Variants in FGF13 observed in about 807,000 individuals in gnomAD.
FGF13 encodes fibroblast growth factor 13.
In FGF13, 2 loss-of-function variants were observed where a neutral mutation model predicts 19.5. The observed-to-expected ratio is 0.10, with a 90% CI of 0.04 to 0.32. The LOEUF is 0.32. FGF13 is among the 10% of genes least tolerant of loss of function. FGF13 has a pLI of 1.00. For synonymous variants in FGF13, 72 were observed against 76.9 expected, an observed-to-expected ratio of 0.94 and a Z score of 0.33; for missense variants, 113 against 192.7, an observed-to-expected ratio of 0.59 and a Z score of 2.45.
chrX:138,617,757 T>G lies in FGF13; in HGVS notation c.*15093A>C. ...GAGTTCAAGACCCACCTGGGCAACA[T>G]AGTGAGACCCCATCTCTACAAAAAA... On this transcript the variant is annotated 3_prime_UTR_variant, in exon 5 of 5. Coordinates refer to ENST00000315930, the MANE Select transcript of FGF13 (RefSeq NM_004114.5). 9.0e-6 allele frequency: 1 copy of G among 110,893 alleles called. No homozygotes were observed. The highest frequency in any genetic ancestry group is 3.8e-4 in the South Asian group (1 of 2,599). The allele number at this position is 110,893 out of a possible 1,213,427, so 9.1% of individuals were successfully genotyped here. A position where few individuals can be genotyped will look rare whatever the true frequency, so the allele number is the denominator to read the frequency against.
chrX:139,109,692 G>T (rs1030728112), intron 1 of FGF13, among the ~76,000 whole-genome samples: 6 of 111,554 alleles, frequency 5.4e-5, no homozygotes, highest in African/African-American at 2.0e-4. Context: ...TCACCTGGCT[G>T]TTGAGAGGCT....
intron 3 of FGF13, among the ~76,000 whole-genome samples, chrX:138,759,225 A>G (rs1366392951): frequency 8.9e-6 from 1 of 112,248 alleles, no homozygotes; most frequent in African/African-American, 3.2e-5. Context: ...CTTTTGCTTC[A>G]AGAACTCAAC....
At chrX:139,035,105 T>C (rs1349640750) in intron 1 of FGF13, among the ~76,000 whole-genome samples, 1 of 111,458 alleles carries the variant, frequency 9.0e-6, no homozygotes, top group Non-Finnish European at 1.9e-5. Flanking sequence ...TTCAAAATCA[T>C]TTGAAGCAGA....
intron 3 of FGF13, among the ~76,000 whole-genome samples, chrX:138,771,192 G>A (rs931358981): frequency 1.8e-5 from 2 of 111,751 alleles, no homozygotes; most frequent in East Asian, 5.6e-4. Flanking sequence ...AAATTATTAT[G>A]TAAGTTGGTT....
intron 1 of FGF13, among the ~76,000 whole-genome samples, chrX:139,016,118 A>G (rs2092151712): frequency 8.9e-6 from 1 of 111,887 alleles, no homozygotes; most frequent in African/African-American, 3.2e-5. Context: ...ACATGTCATT[A>G]TTTTTTAATC....
chrX:139,098,156 C>T (rs1222343284), intron 1 of FGF13, among the ~76,000 whole-genome samples: 1 of 111,454 alleles, frequency 9.0e-6, no homozygotes, highest in Non-Finnish European at 1.9e-5. Flanking sequence ...AGATCAGTGA[C>T]AGCGAGCATG....
intron 3 of FGF13, among the ~76,000 whole-genome samples, chrX:138,811,944 CT>C (rs199549120): frequency 1.6e-3 from 168 of 103,042 alleles, no homozygotes; most frequent in Middle Eastern, 4.9e-3. Flanking sequence ...CAACCACTTT[CT>C]TTTTTTTTTT....
intron 3 of FGF13, among the ~76,000 whole-genome samples, chrX:138,794,183 T>C (rs1463584933): frequency 4.5e-5 from 5 of 112,136 alleles, no homozygotes; most frequent in African/African-American, 1.6e-4. Flanking sequence ...ATCTGGTAAT[T>C]GTTTCTCAGA....
At chrX:138,748,362 G>A (rs1473078813) in intron 3 of FGF13, among the ~76,000 whole-genome samples, 2 of 111,241 alleles carry the variant, frequency 1.8e-5, no homozygotes, top group Non-Finnish European at 3.8e-5. Flanking sequence ...TAATCTGATA[G>A]ATCTGGTGTC....
At chrX:139,063,425 C>A (rs1452825284) in intron 1 of FGF13, among the ~76,000 whole-genome samples, 1 of 111,142 alleles carries the variant, frequency 9.0e-6, no homozygotes, top group Non-Finnish European at 1.9e-5. Flanking sequence ...AATTATAATG[C>A]CCAATAAAAA....
chrX:138,833,452 G>C (rs2124093338), intron 3 of FGF13, among the ~76,000 whole-genome samples: 1 of 111,499 alleles, frequency 9.0e-6, no homozygotes, highest in East Asian at 2.8e-4. Context: ...TCCTGATTTG[G>C]CTTTCGGCTT....
chrX:138,775,485 C>T (rs748462248), intron 3 of FGF13, among the ~76,000 whole-genome samples: 24 of 111,928 alleles, frequency 2.1e-4, no homozygotes, highest in Non-Finnish European at 4.3e-4. Context: ...GTCTCCAAAT[C>T]GCAATGGACA....
chrX:138,867,833 C>CTATCTATCTATCTATCATCT (rs1556269063), intron 1 of FGF13, among the ~76,000 whole-genome samples: 6 of 99,309 alleles, frequency 6.0e-5, no homozygotes, highest in Non-Finnish European at 8.2e-5. Flanking sequence ...ATCTATCTAT[C>CTATCTATCTATCTATCATCT]ATCTATCTAT....
intron 1 of FGF13, among the ~76,000 whole-genome samples, chrX:138,884,206 T>A (rs949183610): frequency 8.9e-6 from 1 of 112,220 alleles, no homozygotes; most frequent in African/African-American, 3.2e-5. Context: ...TTATACAATA[T>A]GAGTTTCCCT....
At position 138,711,025 on chromosome X, in the gene FGF13, C is replaced by A. The variant is rs776421673; in HGVS notation, c.-22G>T. On this transcript the variant is annotated 5_prime_UTR_variant, in exon 1 of 5. Transcript: ENST00000315930. ...CCATGGCCACGACGCCCACCACCACCGCTTCTTTTGCTGCCCCTCTCTGGG... is the reference window on the plus strand; with the variant it reads ...CCATGGCCACGACGCCCACCACCACAGCTTCTTTTGCTGCCCCTCTCTGGG... 2.5e-6 allele frequency: 3 copies of A among 1,205,666 alleles called. No individual in the cohort carries two copies. Among genetic ancestry groups the A allele is most frequent in the East Asian group, 5.9e-5 (2 of 33,688 alleles).
At chrX:138,911,605 G>A (rs984979992) in intron 1 of FGF13, among the ~76,000 whole-genome samples, 1 of 111,003 alleles carries the variant, frequency 9.0e-6, no homozygotes, top group African/African-American at 3.3e-5. Flanking sequence ...ATGTACCCCT[G>A]AAATTAAAAT....
At position 138,847,155 on chromosome X, in the gene FGF13, G is replaced by T. The variant is rs180763233; in HGVS notation, c.217+10357C>A. Among the ~76,000 whole-genome samples the T allele has an allele frequency of 3.6e-5, 4 of 111,985 alleles. No homozygotes were observed. The East Asian group carries it at 1.1e-3, about 32-fold the overall frequency. On this transcript the variant is annotated intron_variant, in intron 3 of 6. Transcript: ENST00000436198. Reference sequence around the variant, plus strand: ...ACTGAGCATATGGAGAAGCCATGGAGGGGAGAAGGCATGGCTTTTAGAAGC... The same window carrying T: ...ACTGAGCATATGGAGAAGCCATGGATGGGAGAAGGCATGGCTTTTAGAAGC...
Position 138,630,708 on chromosome X carries a change from G to T in FGF13, c.*2142C>A, listed in dbSNP as rs1423571713. ...GGCCCCAGTAATTTTATTTGCAGATGCTCTGAAAAGCACTAGTCAACTACG... is the reference window on the plus strand; with the variant it reads ...GGCCCCAGTAATTTTATTTGCAGATTCTCTGAAAAGCACTAGTCAACTACG... On this transcript the variant is annotated 3_prime_UTR_variant, in exon 5 of 5. Transcript: ENST00000315930. The T allele has an allele frequency of 9.0e-6, 1 of 111,526 alleles. No homozygotes were observed. The highest frequency in any genetic ancestry group is 1.9e-5 in the Non-Finnish European group (1 of 53,103). 9.2% of individuals were successfully genotyped at this position (111,526 alleles called of 1,213,427 possible).
intron 3 of FGF13, among the ~76,000 whole-genome samples, chrX:138,700,040 A>C (rs1478804221): frequency 1.8e-5 from 2 of 109,898 alleles, no homozygotes; most frequent in South Asian, 3.9e-4. Flanking sequence ...TTACCTGAAG[A>C]CACCTCATTC....
Sources: gnomAD v4.1 joint callset for allele counts (sites outside exome capture counted in the v4.1 genomes callset) on GRCh38, gnomAD v4.1.1 for gene constraint, MANE v1.5 for transcripts, NCBI Gene and HGNC (gene_info 2026-07-23, HGNC 2026-07-21) for gene names.